TBXAS1: variants seen among roughly 807,000 people sequenced by gnomAD.
The protein encoded by TBXAS1 is thromboxane-A synthase.
In TBXAS1, 48 loss-of-function variants were observed where a neutral mutation model predicts 60.7. The ratio of observed to expected loss-of-function variants is 0.79; its 90% CI spans 0.63 to 1.01. The LOEUF is 1.01. Among genes scored for constraint, TBXAS1 ranks in the 50% least tolerant of loss-of-function variants. The pLI is 0.00. For missense variants in TBXAS1, 685 were observed against 686.3 expected (o/e 1.00, Z 0.02); for synonymous variants, 287 against 269.7 (o/e 1.06, Z -0.63).
intron 4 of TBXAS1, among the ~76,000 whole-genome samples, chr7:139,819,904 C>T (rs1395755786): frequency 6.6e-6 from 1 of 151,852 alleles, no homozygotes; most frequent in Non-Finnish European, 1.5e-5. Flanking sequence ...GCCAGAACTT[C>T]GAATTATCTT....
At chr7:139,977,144 G>A (rs1226157997) in intron 9 of TBXAS1, among the ~76,000 whole-genome samples, 1 of 152,090 alleles carries the variant, frequency 6.6e-6, no homozygotes, top group East Asian at 1.9e-4. Flanking sequence ...TCTATGCATC[G>A]ACTCTAGGAG....
At chr7:139,910,697 A>G (rs891510816) in intron 3 of TBXAS1, among the ~76,000 whole-genome samples, 13 of 152,232 alleles carry the variant, frequency 8.5e-5, no homozygotes, top group African/African-American at 2.7e-4. Flanking sequence ...AGGTGTGGCG[A>G]CCAGATATTC....
intron 9 of TBXAS1, among the ~76,000 whole-genome samples, chr7:139,993,451 A>T (rs1813068247): frequency 6.6e-6 from 1 of 152,212 alleles, no homozygotes; most frequent in South Asian, 2.1e-4. Context: ...CCATCAGTGA[A>T]TACAGGGTAT....
At chr7:139,844,609 A>C (rs905462058) in intron 1 of TBXAS1, among the ~76,000 whole-genome samples, 7 of 152,220 alleles carry the variant, frequency 4.6e-5, no homozygotes, top group African/African-American at 1.7e-4. Context: ...AGGCTCTTTG[A>C]AATATTGAAA....
At chr7:139,850,098 AG>A (rs1800107358) in intron 1 of TBXAS1, among the ~76,000 whole-genome samples, 1 of 152,226 alleles carries the variant, frequency 6.6e-6, no homozygotes, top group Non-Finnish European at 1.5e-5. Flanking sequence ...ATGTATCACA[AG>A]GGCTATTACA....
intron 4 of TBXAS1, among the ~76,000 whole-genome samples, chr7:139,919,344 T>A (rs575218422): frequency 6.6e-6 from 1 of 152,322 alleles, no homozygotes; most frequent in East Asian, 1.9e-4. Flanking sequence ...TTTTGCAGAC[T>A]AGTTGGCATA....
At position 139,778,972 on chromosome 7, in the gene TBXAS1, CA is replaced by C. The variant is rs1287989824; in HGVS notation, c.-318+503del. On this transcript the variant is annotated intron_variant, in intron 1 of 16. Coordinates refer to the TBXAS1 transcript ENST00000336425. The surrounding 1 kb of genome is among the most constrained non-coding windows in gnomAD (Gnocchi z 4.8). ...ATCATAAAATAAATGCAGCGGAAGG[CA>C]ACCAGCTTTCAAAAAGAACGAAATG... is the stretch of plus-strand genomic sequence containing the variant. Among the ~76,000 whole-genome samples, 1 of 152,126 alleles carries C rather than the reference CA, an allele frequency of 6.6e-6. No homozygotes were observed. The highest frequency in any genetic ancestry group is 2.4e-5 in the African/African-American group (1 of 41,424).
At chr7:139,890,158 T>C (rs1177955710) in intron 3 of TBXAS1, among the ~76,000 whole-genome samples, 1 of 151,292 alleles carries the variant, frequency 6.6e-6, no homozygotes. Flanking sequence ...GAACCTTTCA[T>C]GCAGCAATGT....
intron 4 of TBXAS1, among the ~76,000 whole-genome samples, chr7:139,930,293 C>T (rs1307668215): frequency 6.6e-6 from 1 of 152,238 alleles, no homozygotes; most frequent in Non-Finnish European, 1.5e-5. Context: ...AGAATGCAAG[C>T]TCTGTGAGGA....
chr7:139,912,200 A>G (rs773243470), intron 4 of TBXAS1, among the ~76,000 whole-genome samples: 5 of 152,224 alleles, frequency 3.3e-5, no homozygotes, highest in Non-Finnish European at 5.9e-5. Context: ...GTGAGCTGAG[A>G]TCGCGCCACT....
chr7:139,873,698 G>A (rs1272662763), intron 2 of TBXAS1, among the ~76,000 whole-genome samples: 1 of 152,132 alleles, frequency 6.6e-6, no homozygotes, highest in Non-Finnish European at 1.5e-5. Context: ...CATGCCAGTG[G>A]AAATGGCCAA....
chr7:139,995,094 C>T (rs917303028), intron 9 of TBXAS1, among the ~76,000 whole-genome samples: 4 of 152,132 alleles, frequency 2.6e-5, no homozygotes, highest in Non-Finnish European at 5.9e-5. Flanking sequence ...CCTCTGAAGA[C>T]TCCTGGGCTT....
At chr7:139,861,355 T>G (rs896071372) in intron 1 of TBXAS1, among the ~76,000 whole-genome samples, 3 of 151,622 alleles carry the variant, frequency 2.0e-5, no homozygotes, top group African/African-American at 7.3e-5. Flanking sequence ...TGCCTCAGTC[T>G]CCCAAGTAGT....
chr7:139,911,145 T>C, intron 3 of TBXAS1, 80 bp from the exon 4 acceptor site: 1 of 1,230,170 alleles, frequency 8.1e-7, no homozygotes, highest in South Asian at 1.2e-5. Context: ...TATCCCTCAT[T>C]CTAAGCTACC....
At chr7:139,931,734 T>C (rs1295537449) in intron 4 of TBXAS1, among the ~76,000 whole-genome samples, 1 of 152,126 alleles carries the variant, frequency 6.6e-6, no homozygotes, top group African/African-American at 2.4e-5. Context: ...CCACCACACG[T>C]GGGAATTGTG....
In TBXAS1 at chr7:139,778,739, C is replaced by A. The variant is rs577570637; in HGVS notation, c.-318+268C>A. Among the ~76,000 whole-genome samples the A allele has an allele frequency of 5.3e-5, 8 of 152,272 alleles. No homozygotes were observed. The highest frequency in any genetic ancestry group is 5.2e-4 in the Admixed American group (8 of 15,304). ...ATGGGAGCTCACAACTCTCTGGGTC[C>A]TCGCTTTTCTCAGCGCTCTCTCCTA... On this transcript the variant is annotated intron_variant, in intron 1 of 16. Coordinates refer to the TBXAS1 transcript ENST00000336425. This position sits in a 1 kb window ranked among gnomAD's most constrained non-coding sequence, Gnocchi z 4.8.
At chr7:139,880,102 T>C (rs1307408841) in intron 3 of TBXAS1, among the ~76,000 whole-genome samples, 1 of 152,146 alleles carries the variant, frequency 6.6e-6, no homozygotes, top group Non-Finnish European at 1.5e-5. Context: ...CAGGCTGGTC[T>C]CAACTCCTGA....
At chr7:139,853,519 C>T (rs1189120533) in intron 1 of TBXAS1, among the ~76,000 whole-genome samples, 1 of 152,190 alleles carries the variant, frequency 6.6e-6, no homozygotes, top group African/African-American at 2.4e-5. Context: ...ATGTTCCACA[C>T]AGAATTTGGG....
chr7:139,890,437 G>T, intron 3 of TBXAS1, among the ~76,000 whole-genome samples: 1 of 151,738 alleles, frequency 6.6e-6, no homozygotes, highest in South Asian at 2.1e-4. Context: ...GGATGGTCTC[G>T]ATCTCCTGAC....
Sources: gnomAD v4.1 joint callset for allele counts (sites outside exome capture counted in the v4.1 genomes callset) on GRCh38, gnomAD v4.1.1 for gene constraint, Gnocchi (gnomAD v3.1) non-coding constraint, MANE v1.5 for transcripts, NCBI Gene and HGNC (gene_info 2026-07-23, HGNC 2026-07-21) for gene names.